Variants in BMP10 observed in about 807,000 individuals in gnomAD.
The protein encoded by BMP10 is bone morphogenetic protein 10.
A neutral mutation model predicts 29.9 loss-of-function variants in BMP10; 9 were observed. The observed-to-expected ratio is 0.30, with a 90% CI of 0.18 to 0.53. The LOEUF (loss-of-function observed/expected upper bound fraction) is 0.53, where lower values mean the gene tolerates loss of function less well. Among genes scored for constraint, BMP10 ranks in the 20% least tolerant of loss-of-function variants. The pLI is 0.96. For missense variants in BMP10, 474 were observed against 524.3 expected (o/e 0.90, Z 0.94); for synonymous variants, 202 against 200.2 (o/e 1.01, Z -0.07).
rs1433976359 is a variant in BMP10 at position 68,865,652 on chromosome 2, G to A, written c.1254C>T (p.Val418=). 2 of 1,613,944 alleles carry A rather than the reference G, an allele frequency of 1.2e-6. No homozygotes were observed. The highest frequency in any genetic ancestry group is 2.2e-5 in the East Asian group (1 of 44,876). ...TCTTCTATCTACAGCCACATTCGGA[G>A]ACGGCCATGCCTTCGTATTTAAACT... ...TYKFKYEGMA[V]SECGCR is the part of the protein sequence containing the mutation. Residue 418 remains valine (V), a synonymous_variant, in exon 2 of 2, where the codon GTC becomes GTT. Coordinates refer to ENST00000295379, the MANE Select transcript of BMP10 (RefSeq NM_014482.3). This position sits in a 1 kb window ranked among gnomAD's most constrained non-coding sequence, Gnocchi z 4.7.
At position 68,866,260 on chromosome 2, in the gene BMP10, A is replaced by G; in HGVS notation, c.646T>C (p.Ser216Pro). 2.5e-6 allele frequency: 4 copies of G among 1,613,980 alleles called. No homozygotes were observed. In the South Asian group the frequency reaches 4.4e-5, roughly 18 times the overall value. The change falls in exon 2 of 2, where the codon TCC (serine) becomes CCC (proline). Residue 216 changes from serine (S) to proline (P), a missense_variant. By Grantham distance (74) the Ser-to-Pro change is moderately conservative. This residue lies in a region of BMP10 where 408 missense variants were observed against 415.3 expected (regional missense o/e 0.98). Transcript: ENST00000295379. ...AIRRWQKSGS[S>P]THQLEVHIES... Reference sequence around the variant, plus strand: ...ATGTGGACCTCCAGCTGGTGGGTGGATGAGCCTGACTTTTGCCAACGTCTG... The same window carrying G: ...ATGTGGACCTCCAGCTGGTGGGTGGGTGAGCCTGACTTTTGCCAACGTCTG...
chr2:68,870,924 A>G lies in BMP10; in HGVS notation c.334+101T>C, dbSNP rs1248062633. 6 of 1,045,280 alleles carry G rather than the reference A, an allele frequency of 5.7e-6. No homozygotes were observed. In the African/African-American group the frequency reaches 7.9e-5, roughly 14 times the overall value. The allele number at this position is 1,045,280 out of a possible 1,614,324, so 64.8% of individuals were successfully genotyped here. On this transcript the variant is annotated intron_variant, in intron 1 of 1. Transcript: ENST00000295379. Reference sequence around the variant, plus strand: ...ATCCATATGTATTTAACATCCTTATATAGATGTATTTACCCTTACCTATAT... The same window carrying G: ...ATCCATATGTATTTAACATCCTTATGTAGATGTATTTACCCTTACCTATAT...
intron 1 of BMP10, among the ~76,000 whole-genome samples, 180 bp downstream of exon 1, chr2:68,870,845 T>C (rs1250204632): frequency 2.6e-5 from 4 of 152,322 alleles, no homozygotes; most frequent in Middle Eastern, 3.4e-3. Flanking sequence ...TTTTTCGAGG[T>C]TCCTGAAATG....
At position 68,865,623 on chromosome 2, in the gene BMP10, CTCT is replaced by C. The variant is rs761371050; in HGVS notation, c.*5_*7del. On this transcript the variant is annotated 3_prime_UTR_variant, in exon 2 of 2. Transcript: ENST00000295379. This position sits in a 1 kb window ranked among gnomAD's most constrained non-coding sequence, Gnocchi z 4.7. ...TACAGTTATTAAATAAGCCATAGGA[CTCT>C]TCTTCTATCTACAGCCACATTCGGA... The C allele has an allele frequency of 3.1e-6, 5 of 1,609,362 alleles. No homozygotes were observed. Among genetic ancestry groups the C allele is most frequent in the South Asian group, 2.2e-5 (2 of 90,922 alleles).
intron 1 of BMP10, among the ~76,000 whole-genome samples, chr2:68,867,779 C>G (rs180818786): frequency 3.7e-4 from 56 of 151,976 alleles, no homozygotes; most frequent in East Asian, 9.7e-4. Flanking sequence ...CTCGGTGAGT[C>G]CCTGTTTCAG....
At chr2:68,870,508 T>C (rs1253755108) in intron 1 of BMP10, among the ~76,000 whole-genome samples, 1 of 152,222 alleles carries the variant, frequency 6.6e-6, no homozygotes, top group African/African-American at 2.4e-5. Context: ...ATCTTTAAAA[T>C]ATATTTCCAT....
At chr2:68,869,993 C>T (rs1017275599) in intron 1 of BMP10, among the ~76,000 whole-genome samples, 6 of 152,184 alleles carry the variant, frequency 3.9e-5, no homozygotes, top group Non-Finnish European at 8.8e-5. Flanking sequence ...AATTGAGGCT[C>T]TGAGGCATCA....
Position 68,871,299 on chromosome 2 carries a change from A to G in BMP10, c.60T>C (p.Ser20=), listed in dbSNP as rs762941612. 2 of 1,614,160 alleles carry G rather than the reference A, an allele frequency of 1.2e-6. No homozygotes were observed. ...GCTCTAGGTTCATGATGGGGCTGCC[A>G]GAAACCAAGTAAGCTGCCAGGCAGA... ...ALFCLAAYLV[S]GSPIMNLEQS... is the part of the protein sequence containing the mutation. Residue 20 remains serine, a synonymous_variant, in exon 1 of 2, where the codon TCT becomes TCC. Coordinates refer to ENST00000295379, the MANE Select transcript of BMP10 (RefSeq NM_014482.3).
Position 68,861,259 on chromosome 2 carries a change from G to A in BMP10, c.*4372C>T, listed in dbSNP as rs113045570. On this transcript the variant is annotated 3_prime_UTR_variant, in exon 2 of 2. Transcript: ENST00000295379. The stretch of plus-strand genomic sequence containing the variant: ...TCTGTGGTGTTCGCTGATTTCCAAT[G>A]TCCATGAATGCTCAGTAGGCGGGCG... Among the ~76,000 whole-genome samples, 4,546 of 152,266 alleles carry A rather than the reference G, an allele frequency of 0.03. 99 individuals are homozygous for A. Among genetic ancestry groups the A allele is most frequent in the Non-Finnish European group, 0.048 (3,253 of 68,022 alleles).
chr2:68,867,730 A>T (rs1177020633), intron 1 of BMP10, among the ~76,000 whole-genome samples: 1 of 152,130 alleles, frequency 6.6e-6, no homozygotes, highest in African/African-American at 2.4e-5. Context: ...CTCTGTCATC[A>T]TTGGCAGCAT....
At position 68,871,391 on chromosome 2, in the gene BMP10, A is replaced by G. The variant is rs1293223428; in HGVS notation, c.-33T>C. 1 of 1,595,152 alleles carries G rather than the reference A, an allele frequency of 6.3e-7. No homozygotes were observed. The highest frequency in any genetic ancestry group is 2.2e-5 in the East Asian group (1 of 44,594). ...CTCGAGCTCCTAGGCCAAGCCAGGA[A>G]GGTTTAGCTTCCCTGGGCTCTAAGT... On this transcript the variant is annotated 5_prime_UTR_variant, in exon 1 of 2. Coordinates refer to ENST00000295379, the MANE Select transcript of BMP10 (RefSeq NM_014482.3).
intron 1 of BMP10, among the ~76,000 whole-genome samples, 185 bp downstream of exon 1, chr2:68,870,840 C>T (rs1241806122): frequency 1.3e-5 from 2 of 152,056 alleles, no homozygotes; most frequent in Admixed American, 6.6e-5. Flanking sequence ...AAGTATTTTT[C>T]GAGGTTCCTG....
chr2:68,865,790 G>C lies in BMP10; in HGVS notation c.1116C>G (p.Ile372Met). The C allele has an allele frequency of 6.2e-7, 1 of 1,614,082 alleles. No individual in the cohort carries two copies. The highest frequency in any genetic ancestry group is 8.5e-7 in the Non-Finnish European group (1 of 1,179,994). ...EHLTPTKHAI[I>M]QALVHLKNSQ... ...AATTCTTGAGGTGGACCAAGGCCTGGATAATTGCATGCTTTGTGGGTGTGA... is the reference window on the plus strand; with the variant it reads ...AATTCTTGAGGTGGACCAAGGCCTGCATAATTGCATGCTTTGTGGGTGTGA... Residue 372 changes from isoleucine to methionine, a missense_variant, in exon 2 of 2, where the codon ATC becomes ATG. This residue lies in a region of BMP10 where 66 missense variants were observed against 109.0 expected (regional missense o/e 0.61). Coordinates refer to ENST00000295379, the MANE Select transcript of BMP10 (RefSeq NM_014482.3). This position sits in a 1 kb window ranked among gnomAD's most constrained non-coding sequence, Gnocchi z 4.7.
At position 68,866,055 on chromosome 2, in the gene BMP10, T is replaced by C. The variant is rs1682945816; in HGVS notation, c.851A>G (p.Asn284Ser). Residue 284 changes from asparagine to serine, a missense_variant, in exon 2 of 2, where the codon AAC becomes AGC. Asn to Ser is a conservative substitution (Grantham distance 46). This residue lies in a region of BMP10 where 408 missense variants were observed against 415.3 expected (regional missense o/e 0.98). Transcript: ENST00000295379. ...ACTGGAAAAGCTATCCAGGCCCAAG[T>C]TGTCCAGCTCTGGAAGTTGCTCATG... ...ISHEQLPELD[N>S]LGLDSFSSGP... 3.7e-6 allele frequency: 6 copies of C among 1,614,142 alleles called. No homozygotes were observed. Among genetic ancestry groups the C allele is most frequent in the South Asian group, 1.1e-5 (1 of 91,082 alleles).
rs1683054204 is a variant in BMP10 at position 68,870,915 on chromosome 2, C to T, written c.334+110G>A. The T allele has an allele frequency of 6.2e-6, 6 of 963,602 alleles. No individual in the cohort carries two copies. The South Asian group carries it at 8.1e-5, about 13-fold the overall frequency. 59.7% of individuals were successfully genotyped at this position (963,602 alleles called of 1,614,324 possible). A position where few individuals can be genotyped will look rare whatever the true frequency, so the allele number is the denominator to read the frequency against. ...TTTTTGTGTATCCATATGTATTTAA[C>T]ATCCTTATATAGATGTATTTACCCT... On this transcript the variant is annotated intron_variant, in intron 1 of 1. Coordinates refer to ENST00000295379, the MANE Select transcript of BMP10 (RefSeq NM_014482.3).
chr2:68,867,382 G>T (rs898314033), intron 1 of BMP10, among the ~76,000 whole-genome samples: 1 of 152,160 alleles, frequency 6.6e-6, no homozygotes, highest in Non-Finnish European at 1.5e-5. Context: ...TTGACTGCTG[G>T]TTATATGGTT....
In BMP10 at chr2:68,865,635, C is replaced by G. The variant is rs371379001; in HGVS notation, c.1271G>C (p.Arg424Thr). The change falls in exon 2 of 2, where the codon AGA becomes ACA. Residue 424 changes from arginine (R) to threonine (T), a missense_variant. Arg to Thr is a moderately conservative substitution (Grantham distance 71, BLOSUM62 -1). This residue lies in a region of BMP10 where 66 missense variants were observed against 109.0 expected (regional missense o/e 0.61). Transcript: ENST00000295379. This position sits in a 1 kb window ranked among gnomAD's most constrained non-coding sequence, Gnocchi z 4.7. Reference protein sequence around the residue: ...EGMAVSECGCR With the variant: ...EGMAVSECGCT Reference sequence around the variant, plus strand: ...ATAAGCCATAGGACTCTTCTTCTATCTACAGCCACATTCGGAGACGGCCAT... The same window carrying G: ...ATAAGCCATAGGACTCTTCTTCTATGTACAGCCACATTCGGAGACGGCCAT... 2.5e-6 allele frequency: 4 copies of G among 1,613,364 alleles called. No homozygotes were observed. The highest frequency in any genetic ancestry group is 3.4e-6 in the Non-Finnish European group (4 of 1,179,502).
chr2:68,866,659 T>A, intron 1 of BMP10, 88 bp from the exon 2 acceptor site: 2 of 962,986 alleles, frequency 2.1e-6, no homozygotes, highest in Non-Finnish European at 3.0e-6. Flanking sequence ...GGCCTTCCCA[T>A]GCACAAAGCT....
chr2:68,866,713 C>T, intron 1 of BMP10, 142 bp from the exon 2 acceptor site: 2 of 688,158 alleles, frequency 2.9e-6, no homozygotes, highest in South Asian at 2.0e-5. Context: ...AGAACAAACA[C>T]AATGTCAGCA....
Sources: gnomAD v4.1 joint callset for allele counts (sites outside exome capture counted in the v4.1 genomes callset) on GRCh38, gnomAD v4.1.1 for gene constraint, gnomAD v4.1.1 regional missense constraint, Gnocchi (gnomAD v3.1) non-coding constraint, MANE v1.5 for transcripts, NCBI Gene and HGNC (gene_info 2026-07-23, HGNC 2026-07-21) for gene names.